The following MAF variants were observed in gnomAD, a reference collection of about 807,000 sequenced individuals.
The protein encoded by MAF is transcription factor Maf.
Under a neutral mutation model 22.0 loss-of-function variants are expected in MAF, and 10 were observed. That is an observed-to-expected ratio of 0.45 (90% confidence interval 0.28 to 0.77). The LOEUF is 0.77. Ranked by LOEUF, MAF falls within the 30% of genes least tolerant of loss-of-function variation. The pLI, the probability that MAF is intolerant of heterozygous loss-of-function variation, is 0.12. For synonymous variants in MAF, 337 were observed against 255.8 expected (o/e 1.32, Z -3.03); for missense variants, 544 against 548.4 (o/e 0.99, Z 0.08).
the MAF span, among the ~76,000 whole-genome samples, chr16:79,454,933 C>T: frequency 1.3e-5 from 2 of 151,912 alleles, no homozygotes; most frequent in Non-Finnish European, 2.9e-5. Flanking sequence ...CCCATCTTTA[C>T]TAAAAATACA....
At chr16:79,289,540 T>C in the MAF span, among the ~76,000 whole-genome samples, 1 of 152,178 alleles carries the variant, frequency 6.6e-6, no homozygotes, top group African/African-American at 2.4e-5. Flanking sequence ...TATAGGCTTC[T>C]AGGCTATTCT....
chr16:79,448,329 C>T, the MAF span, among the ~76,000 whole-genome samples: 1 of 151,848 alleles, frequency 6.6e-6, no homozygotes, highest in South Asian at 2.1e-4. Context: ...CAAGACCCTC[C>T]ATCCCAAAAA....
the MAF span, among the ~76,000 whole-genome samples, chr16:79,450,409 A>G: frequency 1.3e-5 from 2 of 152,238 alleles, no homozygotes; most frequent in African/African-American, 4.8e-5. Context: ...AAAGAATTCC[A>G]AGTGTTAGAC....
the MAF span, among the ~76,000 whole-genome samples, chr16:79,467,247 C>T: frequency 6.6e-6 from 1 of 152,098 alleles, no homozygotes; most frequent in Non-Finnish European, 1.5e-5. Context: ...CTGACCTCCC[C>T]AGTTAAATAA....
the MAF span, among the ~76,000 whole-genome samples, chr16:79,440,307 T>C: frequency 6.6e-6 from 1 of 152,206 alleles, no homozygotes; most frequent in Admixed American, 6.5e-5. Flanking sequence ...AGCACCCCAG[T>C]GGAAGGGCTG....
the MAF span, among the ~76,000 whole-genome samples, chr16:79,345,200 A>G: frequency 1.8e-4 from 27 of 151,738 alleles, no homozygotes; most frequent in South Asian, 5.4e-3. Flanking sequence ...TTGTCAGTAC[A>G]TTATATATTA....
the MAF span, among the ~76,000 whole-genome samples, chr16:79,531,442 G>C: frequency 6.6e-6 from 1 of 151,942 alleles, no homozygotes; most frequent in African/African-American, 2.4e-5. Context: ...ACATTATTGT[G>C]CATTTTATTA....
At chr16:79,484,741 G>C in the MAF span, among the ~76,000 whole-genome samples, 1 of 152,254 alleles carries the variant, frequency 6.6e-6, no homozygotes, top group African/African-American at 2.4e-5. Flanking sequence ...ATACTCCACA[G>C]CTAGAGCCGG....
chr16:79,375,181 C>A, the MAF span, among the ~76,000 whole-genome samples: 1 of 152,170 alleles, frequency 6.6e-6, no homozygotes. Context: ...TCAGAAGAAG[C>A]AATCTCTTTC....
chr16:79,595,989 G>T, intron 1 of MAF: 4 of 1,060,768 alleles, frequency 3.8e-6, no homozygotes, highest in Non-Finnish European at 4.6e-6. Context: ...GTCAGGCCTT[G>T]CTAACAAGAA....
the MAF span, among the ~76,000 whole-genome samples, chr16:79,238,171 C>A: frequency 6.6e-5 from 10 of 152,104 alleles, no homozygotes; most frequent in Non-Finnish European, 1.5e-4. Context: ...CAGAGCTCAA[C>A]CCTTGCCTCT....
At chr16:79,539,890 T>G in the MAF span, among the ~76,000 whole-genome samples, 1 of 152,324 alleles carries the variant, frequency 6.6e-6, no homozygotes, top group East Asian at 1.9e-4. Flanking sequence ...AAATGGTGAT[T>G]TTTTTCTCTG....
At chr16:79,259,816 A>G in the MAF span, among the ~76,000 whole-genome samples, 1 of 152,224 alleles carries the variant, frequency 6.6e-6, no homozygotes, top group Non-Finnish European at 1.5e-5. Flanking sequence ...GAATGGCCCA[A>G]TGTACCCAGA....
the MAF span, among the ~76,000 whole-genome samples, chr16:79,351,791 G>T: frequency 6.6e-6 from 1 of 152,096 alleles, no homozygotes; most frequent in Non-Finnish European, 1.5e-5. Flanking sequence ...AGCCTGGAAC[G>T]GCAGCCTGAA....
the MAF span, among the ~76,000 whole-genome samples, chr16:79,334,841 GTGTGTGTGTGTGTGTGTGTGTA>G: frequency 2.6e-5 from 3 of 115,512 alleles, no homozygotes; most frequent in East Asian, 1.2e-3. Flanking sequence ...TCAATAAAGT[GTGTGTGTGTGTGTGTGTGTGTA>G]TGTGTGTGTG....
chr16:79,208,926 A>G, the MAF span, among the ~76,000 whole-genome samples: 276 of 152,356 alleles, frequency 1.8e-3, 2 homozygotes, highest in Non-Finnish European at 2.8e-3. Flanking sequence ...GGAGGAAAGT[A>G]GAGTGAGTAC....
the MAF span, among the ~76,000 whole-genome samples, chr16:79,550,589 A>C: frequency 1.3e-5 from 2 of 152,184 alleles, no homozygotes; most frequent in Admixed American, 1.3e-4. Flanking sequence ...GAGAAAATGA[A>C]GTCAAGGGCC....
At chr16:79,275,042 C>G in the MAF span, among the ~76,000 whole-genome samples, 2 of 152,256 alleles carry the variant, frequency 1.3e-5, no homozygotes, top group East Asian at 1.9e-4. Flanking sequence ...AAAATAAAAG[C>G]CTTCCTCTCT....
the MAF span, among the ~76,000 whole-genome samples, chr16:79,477,320 G>A: frequency 1.3e-5 from 2 of 152,238 alleles, no homozygotes; most frequent in African/African-American, 2.4e-5. Flanking sequence ...GATGGGCACA[G>A]ATTTGCTGAA....
Sources: gnomAD v4.1 joint callset for allele counts (sites outside exome capture counted in the v4.1 genomes callset) on GRCh38, gnomAD v4.1.1 for gene constraint, MANE v1.5 for transcripts, NCBI Gene and HGNC (gene_info 2026-07-23, HGNC 2026-07-21) for gene names.